HSD11B1: variants seen among roughly 807,000 people sequenced by gnomAD.
HSD11B1 encodes the protein 11-beta-hydroxysteroid dehydrogenase 1.
Under a neutral mutation model 22.1 loss-of-function variants are expected in HSD11B1, and 15 were observed. That is an observed-to-expected ratio of 0.68 (90% confidence interval 0.45 to 1.04). The LOEUF (loss-of-function observed/expected upper bound fraction) is 1.04. Among genes scored for constraint, HSD11B1 ranks in the 50% least tolerant of loss-of-function variants. HSD11B1 has a pLI of 0.00. For synonymous variants in HSD11B1, 122 were observed against 125.2 expected (o/e 0.97, Z 0.17); for missense variants, 281 against 357.6 (o/e 0.79, Z 1.73).
rs752510611 is a variant in HSD11B1, at chr1:209,706,542, C to T, written c.220-167C>T. On this transcript the variant is annotated intron_variant, in intron 2 of 5. Coordinates refer to ENST00000367027, the MANE Select transcript of HSD11B1 (RefSeq NM_005525.4). The surrounding 1 kb of genome is among the most constrained non-coding windows in gnomAD (Gnocchi z 4.0). ...TCCAGAAAATATTTCAGACAGAGGACGATGATCATGAGGGTTATATTAGGC... is the reference window on the plus strand; with the variant it reads ...TCCAGAAAATATTTCAGACAGAGGATGATGATCATGAGGGTTATATTAGGC... Among the ~76,000 whole-genome samples, 6 of 152,120 alleles carry T rather than the reference C, an allele frequency of 3.9e-5. No individual in the cohort carries two copies. The highest frequency in any genetic ancestry group is 5.9e-5 in the Non-Finnish European group (4 of 68,020).
At chr1:209,691,298 C>T (rs1369742764) in intron 1 of HSD11B1, among the ~76,000 whole-genome samples, 1 of 152,124 alleles carries the variant, frequency 6.6e-6, no homozygotes, top group Non-Finnish European at 1.5e-5. Flanking sequence ...TTTATTTGGC[C>T]GGGGTCAGAT....
At chr1:209,701,862 T>C (rs1254615519), upstream of HSD11B1, among the ~76,000 whole-genome samples, 5 of 152,174 alleles carry the variant, frequency 3.3e-5, no homozygotes, top group Admixed American at 6.5e-5. Context: ...TCAGCCCCTA[T>C]GTTCTTCTCA....
intron 1 of HSD11B1, among the ~76,000 whole-genome samples, chr1:209,693,832 G>T (rs531110727): frequency 9.9e-5 from 15 of 152,222 alleles, no homozygotes; most frequent in Admixed American, 8.5e-4. Context: ...ATTCCCTCAG[G>T]TACTTCACTC....
chr1:209,699,862 G>A (rs2076816131), upstream of HSD11B1, among the ~76,000 whole-genome samples: 1 of 152,166 alleles, frequency 6.6e-6, no homozygotes, highest in Non-Finnish European at 1.5e-5. Flanking sequence ...AAACAAAGGG[G>A]TTACAGGGCC....
rs77523988 is a variant in HSD11B1 at position 209,696,027 on chromosome 1, T to C, written c.-48-8868T>C. On this transcript the variant is annotated intron_variant, in intron 1 of 6. Coordinates refer to the HSD11B1 transcript ENST00000261465. ...TGTGGTACATCCATACAATGGAATA[T>C]GATTTGTCAATAAATGACACATGTT... Among the ~76,000 whole-genome samples, 1,161 of 152,286 alleles carry C rather than the reference T, an allele frequency of 7.6e-3. 20 individuals are homozygous for C. Among genetic ancestry groups the C allele is most frequent in the African/African-American group, 0.026 (1,088 of 41,546 alleles).
At chr1:209,697,647 A>G (rs1004923073) in intron 1 of HSD11B1, among the ~76,000 whole-genome samples, 1 of 152,130 alleles carries the variant, frequency 6.6e-6, no homozygotes, top group Non-Finnish European at 1.5e-5. Context: ...ACCATGTGGT[A>G]TGTACCTCTT....
chr1:209,703,669 C>T (rs2076838142), upstream of HSD11B1, among the ~76,000 whole-genome samples: 1 of 152,200 alleles, frequency 6.6e-6, no homozygotes, highest in South Asian at 2.1e-4. Flanking sequence ...GGAATCATAA[C>T]TTAATTTCCC....
In HSD11B1 at chr1:209,734,322, T is replaced by A. The variant is rs200457928; in HGVS notation, c.680T>A (p.Val227Asp). The A allele has an allele frequency of 6.2e-7, 1 of 1,613,910 alleles. No individual in the cohort carries two copies. The highest frequency in any genetic ancestry group is 8.5e-7 in the Non-Finnish European group (1 of 1,179,892). ...LIDTETAMKAVSGIVHMQAAP... is the reference protein window; with the variant it reads ...LIDTETAMKADSGIVHMQAAP... ...TCTATAGAAACAGCCATGAAGGCAG[T>A]TTCTGGGATAGTCCATATGCAAGCA... Residue 227 changes from valine (V) to aspartate (D), a missense_variant, in exon 6 of 6, where the codon GTT becomes GAT. Physicochemically the swap from Val to Asp is radical, Grantham distance 152. Transcript: ENST00000367027.
At chr1:209,728,950 G>A (rs2077019401) in intron 4 of HSD11B1, among the ~76,000 whole-genome samples, 1 of 152,182 alleles carries the variant, frequency 6.6e-6, no homozygotes, top group African/African-American at 2.4e-5. Flanking sequence ...CTGCAGTTAG[G>A]AATGATGTCA....
Position 209,732,665 on chromosome 1 carries a change from T to C in HSD11B1, c.661+86T>C, listed in dbSNP as rs45450395. ...GCAGAACATGCAGGTTTGTTACATA[T>C]GTATGCATGTGCCATGTTGGTGTGC... is the stretch of plus-strand genomic sequence containing the variant. On this transcript the variant is annotated intron_variant, in intron 5 of 5. Transcript: ENST00000367027. The C allele has an allele frequency of 6.0e-4, 656 of 1,087,808 alleles. 2 individuals are homozygous for C. The highest frequency in any genetic ancestry group is 8.0e-4 in the Non-Finnish European group (569 of 707,924). The allele number at this position is 1,087,808 out of a possible 1,614,324, so 67.4% of individuals were successfully genotyped here.
At chr1:209,695,895 G>A (rs1412752345) in intron 1 of HSD11B1, among the ~76,000 whole-genome samples, 3 of 152,124 alleles carry the variant, frequency 2.0e-5, no homozygotes, top group Non-Finnish European at 4.4e-5. Flanking sequence ...AAAAACATAC[G>A]TTCACACAAA....
chr1:209,706,043 T>C lies in HSD11B1; in HGVS notation c.219+102T>C, dbSNP rs543629047. ...GAAGCTAGCATATCGCAGATCTATA[T>C]ACAGAGGCACATGCACACACACAGA... On this transcript the variant is annotated intron_variant, in intron 2 of 5. Transcript: ENST00000367027. The surrounding 1 kb of genome is among the most constrained non-coding windows in gnomAD (Gnocchi z 4.0). 27 of 1,483,948 alleles carry C rather than the reference T, an allele frequency of 1.8e-5. No homozygotes were observed. The African/African-American group carries it at 2.6e-4, about 14-fold the overall frequency. 91.9% of individuals were successfully genotyped at this position (1,483,948 alleles called of 1,614,324 possible). A position where few individuals can be genotyped will look rare whatever the true frequency, so the allele number is the denominator to read the frequency against.
chr1:209,731,994 ACCAC>A (rs2077038497), intron 4 of HSD11B1, among the ~76,000 whole-genome samples: 1 of 152,186 alleles, frequency 6.6e-6, no homozygotes, highest in African/African-American at 2.4e-5. Context: ...GGTGTGAGCC[ACCAC>A]ACCTGGCCAG....
Position 209,718,689 on chromosome 1 carries a change from T to C in HSD11B1, c.517+11561T>C, listed in dbSNP as rs1306282877. ...TGGCAGTACCTCAGAAAATTTAAAA[T>C]AGAATTATCATGTGATCCAGCCATT... is the stretch of plus-strand genomic sequence containing the variant. On this transcript the variant is annotated intron_variant, in intron 4 of 5. Transcript: ENST00000367027. Among the ~76,000 whole-genome samples, 3 of 152,068 alleles carry C rather than the reference T, an allele frequency of 2.0e-5. No individual in the cohort carries two copies. In the East Asian group the frequency reaches 5.8e-4, roughly 29 times the overall value.
chr1:209,705,073 A>T, intron 1 of HSD11B1, 43 bp downstream of exon 1: 1 of 1,466,052 alleles, frequency 6.8e-7, no homozygotes, highest in Non-Finnish European at 9.6e-7. Flanking sequence ...AGGTTTAAAA[A>T]ACACAGGGGT....
chr1:209,699,803 G>T (rs749670596), intron 1 of HSD11B1, among the ~76,000 whole-genome samples: 1 of 152,168 alleles, frequency 6.6e-6, no homozygotes, highest in Non-Finnish European at 1.5e-5. Context: ...TACAATAGGG[G>T]TACAGGTATT....
At chr1:209,709,326 A>G (rs1024183567) in intron 4 of HSD11B1, among the ~76,000 whole-genome samples, 3 of 152,176 alleles carry the variant, frequency 2.0e-5, no homozygotes, top group South Asian at 2.1e-4. Flanking sequence ...AACAGAGACA[A>G]TACTGCTGCT....
chr1:209,719,941 A>G (rs2076955343), intron 4 of HSD11B1, among the ~76,000 whole-genome samples: 1 of 152,164 alleles, frequency 6.6e-6, no homozygotes, highest in African/African-American at 2.4e-5. Flanking sequence ...GTCAAATGGT[A>G]TTTCTAGTTC....
chr1:209,732,222 A>G (rs1195353855), intron 4 of HSD11B1, among the ~76,000 whole-genome samples: 8 of 152,284 alleles, frequency 5.3e-5, no homozygotes, highest in Admixed American at 3.3e-4. Context: ...TCCCTCTTCA[A>G]TGAAGGCTGT....
Sources: allele counts gnomAD v4.1 joint callset (sites outside exome capture counted in the v4.1 genomes callset), GRCh38; gene constraint gnomAD v4.1.1; non-coding constraint Gnocchi (gnomAD v3.1); transcripts MANE v1.5; gene names NCBI Gene and HGNC (gene_info 2026-07-23, HGNC 2026-07-21).